The following COBL variants were observed in gnomAD, a reference collection of about 807,000 sequenced individuals.
COBL encodes the protein protein cordon-bleu.
Under a neutral mutation model 98.8 loss-of-function variants are expected in COBL, and 51 were observed. The ratio of observed to expected loss-of-function variants is 0.52; its 90% CI spans 0.41 to 0.65. COBL has a LOEUF of 0.65. Ranked by LOEUF, COBL falls within the 30% of genes least tolerant of loss-of-function variation. The pLI, the probability that COBL is intolerant of heterozygous loss-of-function variation, is 0.00. For synonymous variants in COBL, 634 were observed against 651.7 expected, an observed-to-expected ratio of 0.97 and a Z score of 0.41; for missense variants, 1,617 against 1,617.5, an observed-to-expected ratio of 1.00 and a Z score of 0.01.
At chr7:51,110,403 C>T (rs1796716583) in intron 6 of COBL, among the ~76,000 whole-genome samples, 1 of 152,136 alleles carries the variant, frequency 6.6e-6, no homozygotes. Flanking sequence ...ATATAATGGC[C>T]TCCAGTTCCA....
intron 5 of COBL, among the ~76,000 whole-genome samples, chr7:51,181,495 T>A (rs1788949565): frequency 6.6e-6 from 1 of 152,204 alleles, no homozygotes; most frequent in South Asian, 2.1e-4. Context: ...GTTATTTCTG[T>A]AAACTAGTGA....
intron 6 of COBL, among the ~76,000 whole-genome samples, chr7:51,098,011 G>A (rs1425388697): frequency 3.2e-5 from 4 of 124,836 alleles, no homozygotes; most frequent in East Asian, 2.3e-4. Flanking sequence ...ACAACAGAGC[G>A]AGACTCCATC....
At chr7:51,120,970 G>A (rs1424331622) in intron 6 of COBL, among the ~76,000 whole-genome samples, 3 of 152,108 alleles carry the variant, frequency 2.0e-5, no homozygotes, top group Non-Finnish European at 4.4e-5. Context: ...ATCATGCTGC[G>A]ATGAACATGG....
intron 12 of COBL, among the ~76,000 whole-genome samples, chr7:51,019,590 T>C (rs1315764523): frequency 6.6e-6 from 1 of 152,172 alleles, no homozygotes; most frequent in Non-Finnish European, 1.5e-5. Flanking sequence ...TTGCTGGCCC[T>C]GAGGATGGTC....
intron 6 of COBL, among the ~76,000 whole-genome samples, chr7:51,113,262 A>G (rs1211729080): frequency 1.3e-5 from 2 of 152,254 alleles, no homozygotes; most frequent in Non-Finnish European, 2.9e-5. Flanking sequence ...TACTCAGAAT[A>G]TATGAAGGAA....
intron 7 of COBL, among the ~76,000 whole-genome samples, chr7:51,054,682 C>T (rs1395498822): frequency 6.6e-6 from 1 of 152,180 alleles, no homozygotes; most frequent in African/African-American, 2.4e-5. Context: ...TCCTCAGAAG[C>T]CCCCAGCATC....
At chr7:51,279,750 T>C (rs1414803701) in intron 1 of COBL, among the ~76,000 whole-genome samples, 1 of 152,190 alleles carries the variant, frequency 6.6e-6, no homozygotes, top group Non-Finnish European at 1.5e-5. Flanking sequence ...CAGAGTATTT[T>C]CATTTCCCTA....
At chr7:51,306,503 G>C (rs1802487417) in intron 1 of COBL, among the ~76,000 whole-genome samples, 1 of 152,138 alleles carries the variant, frequency 6.6e-6, no homozygotes, top group Non-Finnish European at 1.5e-5. Flanking sequence ...ATCAGCCCAA[G>C]ACACTGAGCT....
At chr7:51,081,477 G>A (rs981605561) in intron 7 of COBL, among the ~76,000 whole-genome samples, 17 of 152,222 alleles carry the variant, frequency 1.1e-4, no homozygotes, top group Admixed American at 2.0e-4. Flanking sequence ...CAGGTGGGGA[G>A]GTTCCACTGC....
chr7:51,051,214 T>C (rs913121227), intron 7 of COBL, among the ~76,000 whole-genome samples: 5 of 152,238 alleles, frequency 3.3e-5, no homozygotes, highest in Admixed American at 3.3e-4. Flanking sequence ...CTCTGTTTTC[T>C]AGCATCTTGT....
intron 7 of COBL, among the ~76,000 whole-genome samples, chr7:51,055,879 G>A (rs545354195): frequency 2.0e-5 from 3 of 152,342 alleles, no homozygotes; most frequent in Non-Finnish European, 4.4e-5. Context: ...AACAGGCGCT[G>A]GAGTTAACGG....
intron 4 of COBL, among the ~76,000 whole-genome samples, chr7:51,185,007 A>C (rs1789357361): frequency 6.6e-6 from 1 of 152,172 alleles, no homozygotes; most frequent in Non-Finnish European, 1.5e-5. Context: ...TTTCCTTTCA[A>C]ATTACATTCT....
At chr7:51,087,295 C>T (rs1354954946) in intron 6 of COBL, among the ~76,000 whole-genome samples, 1 of 152,114 alleles carries the variant, frequency 6.6e-6, no homozygotes, top group African/African-American at 2.4e-5. Context: ...TTTTCTTCAG[C>T]AGGAATTTTC....
At chr7:51,077,151 G>T (rs1468937114) in intron 7 of COBL, among the ~76,000 whole-genome samples, 2 of 152,154 alleles carry the variant, frequency 1.3e-5, no homozygotes, top group Non-Finnish European at 2.9e-5. Context: ...AACTGTATTG[G>T]TTTAGACATG....
rs538859738 is a variant in COBL, at chr7:51,017,069, C to G, written c.*482G>C. ...TTTTTTTTCTTACTACCAAAACACA[C>G]AGCATCATGGAGCATATCACATTCA... On this transcript the variant is annotated 3_prime_UTR_variant, in exon 13 of 13. Transcript: ENST00000265136. 2.2e-5 allele frequency: 9 copies of G among 404,032 alleles called. No homozygotes were observed. The highest frequency in any genetic ancestry group is 1.8e-4 in the African/African-American group (9 of 48,746). The allele number at this position is 404,032 out of a possible 1,614,324, so 25.0% of individuals were successfully genotyped here.
At chr7:51,058,547 T>C (rs1305449744) in intron 7 of COBL, among the ~76,000 whole-genome samples, 3 of 92,252 alleles carry the variant, frequency 3.3e-5, no homozygotes, top group African/African-American at 8.3e-5. Context: ...AGCAAGACCA[T>C]GTCTCAAAAC....
At chr7:51,164,636 C>G (rs1404005661) in intron 5 of COBL, among the ~76,000 whole-genome samples, 1 of 151,964 alleles carries the variant, frequency 6.6e-6, no homozygotes, top group Non-Finnish European at 1.5e-5. Context: ...CAGAAAAAAA[C>G]AGACATTAAT....
intron 7 of COBL, chr7:51,082,943 G>GTCC (rs1793812924): frequency 2.1e-6 from 2 of 932,456 alleles, no homozygotes; most frequent in Non-Finnish European, 3.3e-6. Flanking sequence ...AGCTGAGAAG[G>GTCC]AAAGGCACAC....
At chr7:51,306,804 T>G (rs1802516486) in intron 1 of COBL, among the ~76,000 whole-genome samples, 1 of 152,182 alleles carries the variant, frequency 6.6e-6, no homozygotes, top group Admixed American at 6.5e-5. Flanking sequence ...ATACCAGGAA[T>G]AAGTCGTAAG....
Sources: gnomAD v4.1 joint callset for allele counts (sites outside exome capture counted in the v4.1 genomes callset) on GRCh38, gnomAD v4.1.1 for gene constraint, MANE v1.5 for transcripts, NCBI Gene and HGNC (gene_info 2026-07-23, HGNC 2026-07-21) for gene names.